Variants in RUNX1T1 observed in about 807,000 individuals in gnomAD.
RUNX1T1 encodes RUNX1 partner transcriptional co-repressor 1, also known as protein CBFA2T1.
Under a neutral mutation model 62.8 loss-of-function variants are expected in RUNX1T1, and 4 were observed. The ratio of observed to expected loss-of-function variants is 0.06; its 90% CI spans 0.03 to 0.15. RUNX1T1 has a LOEUF of 0.15. Ranked by LOEUF, RUNX1T1 falls within the 10% of genes least tolerant of loss-of-function variation. RUNX1T1 has a pLI of 1.00. For missense variants in RUNX1T1, 508 were observed against 754.3 expected, an observed-to-expected ratio of 0.67 and a Z score of 3.82; for synonymous variants, 291 against 286.0, an observed-to-expected ratio of 1.02 and a Z score of -0.18.
At chr8:91,960,547 C>G (rs1407702521) in intron 10 of RUNX1T1, 30 bp from the exon 12 acceptor site, 1 of 1,610,232 alleles carries the variant, frequency 6.2e-7, no homozygotes, top group Admixed American at 1.7e-5. Flanking sequence ...AAAGCAAGAT[C>G]CCAAGTTAAT....
downstream of RUNX1T1, chr8:91,955,574 G>T (rs1244031047): frequency 4.9e-5 from 11 of 226,126 alleles, no homozygotes; most frequent in Non-Finnish European, 7.9e-5. Context: ...GCCTGGCCTT[G>T]AAACAGGAAC....
chr8:92,017,404 G>A (rs1334982445), intron 1 of RUNX1T1, 41 bp from the exon 3 acceptor site: 1 of 1,613,838 alleles, frequency 6.2e-7, no homozygotes, highest in Non-Finnish European at 8.5e-7. Context: ...TACTCCTTAA[G>A]CACCTCAGTT....
chr8:92,072,860 T>C (rs973355596), intron 2 of RUNX1T1, among the ~76,000 whole-genome samples: 6 of 152,218 alleles, frequency 3.9e-5, no homozygotes, highest in African/African-American at 1.2e-4. Context: ...GATACCAATA[T>C]ATAAAGGTGC....
At chr8:92,102,951 C>T, upstream of RUNX1T1, 2 of 1,483,624 alleles carry the variant, frequency 1.3e-6, no homozygotes, top group South Asian at 2.5e-5. The surrounding 1 kb of genome is among the most constrained non-coding windows in gnomAD (Gnocchi z 4.5). Context: ...GGCGACGGGG[C>T]GAGGACGCGG....
At chr8:91,996,047 T>C (rs1428097745) in intron 5 of RUNX1T1, among the ~76,000 whole-genome samples, 1 of 152,118 alleles carries the variant, frequency 6.6e-6, no homozygotes, top group Non-Finnish European at 1.5e-5. Flanking sequence ...CTTTTCAGTG[T>C]ATCAGGCAAA....
At chr8:92,033,243 C>T (rs1487747566) in intron 1 of RUNX1T1, among the ~76,000 whole-genome samples, 1 of 152,174 alleles carries the variant, frequency 6.6e-6, no homozygotes, top group African/African-American at 2.4e-5. Context: ...AATACATCCA[C>T]AGTGGAATAC....
intron 5 of RUNX1T1, chr8:92,003,426 T>C (rs1399779383): frequency 8.8e-6 from 4 of 455,072 alleles, no homozygotes; most frequent in South Asian, 6.2e-5. Flanking sequence ...ATATTCCCTG[T>C]TATGGTTATT....
chr8:92,062,729 GGA>G (rs573431249), exon 1 of RUNX1T1: 126 of 1,584,170 alleles, frequency 8.0e-5, no homozygotes, highest in Non-Finnish European at 1.0e-4. Context: ...AGAGACAGAT[GGA>G]GAGCTGACAC....
intron 5 of RUNX1T1, among the ~76,000 whole-genome samples, chr8:92,000,557 T>C (rs1819569395): frequency 6.6e-6 from 1 of 152,194 alleles, no homozygotes; most frequent in Non-Finnish European, 1.5e-5. Flanking sequence ...AGTGTATCTA[T>C]TTTTTCTTTT....
intron 1 of RUNX1T1, chr8:92,095,747 C>T (rs771487253): frequency 7.2e-5 from 32 of 443,150 alleles, no homozygotes; most frequent in Non-Finnish European, 1.5e-5. Context: ...GAGAGCTACC[C>T]TAAGGCTATC....
At chr8:92,035,658 A>G (rs555420629) in intron 1 of RUNX1T1, among the ~76,000 whole-genome samples, 1 of 152,266 alleles carries the variant, frequency 6.6e-6, no homozygotes, top group Admixed American at 6.5e-5. Context: ...TTTCATGGAA[A>G]CCCATGACCT....
chr8:92,100,943 T>C (rs1021521825), upstream of RUNX1T1, among the ~76,000 whole-genome samples: 2 of 152,196 alleles, frequency 1.3e-5, no homozygotes, highest in Non-Finnish European at 2.9e-5. Context: ...CACAACAGAA[T>C]ACTCACATGG....
At chr8:91,959,161 C>T (rs1425169851) in exon 11 of RUNX1T1, 1 of 206,944 alleles carries the variant, frequency 4.8e-6, no homozygotes, top group Non-Finnish European at 9.5e-6. Context: ...TGTTTTAACA[C>T]CAAGAGAACT....
chr8:91,964,494 T>G (rs1237339783), intron 10 of RUNX1T1, among the ~76,000 whole-genome samples: 1 of 152,154 alleles, frequency 6.6e-6, no homozygotes, highest in East Asian at 1.9e-4. Context: ...AAATTCACAT[T>G]AAGATTGCAT....
chr8:91,991,355 T>A (rs1321876839), intron 6 of RUNX1T1, among the ~76,000 whole-genome samples: 2 of 152,172 alleles, frequency 1.3e-5, no homozygotes, highest in Middle Eastern at 3.2e-3. Flanking sequence ...TTGCATTTGT[T>A]ACCAACACAA....
intron 2 of RUNX1T1, among the ~76,000 whole-genome samples, chr8:92,070,559 T>C (rs553683920): frequency 1.3e-5 from 2 of 152,244 alleles, no homozygotes; most frequent in African/African-American, 2.4e-5. Context: ...TTTAAATTAT[T>C]ATATATGTTT....
At chr8:92,040,307 T>C (rs1828203510) in intron 1 of RUNX1T1, among the ~76,000 whole-genome samples, 1 of 152,212 alleles carries the variant, frequency 6.6e-6, no homozygotes, top group Non-Finnish European at 1.5e-5. Context: ...AAACTTAGCA[T>C]CACTTATTAC....
downstream of RUNX1T1, chr8:91,957,704 T>C (rs1447605451): frequency 4.4e-6 from 1 of 224,978 alleles, no homozygotes; most frequent in Non-Finnish European, 8.9e-6. Context: ...GAACATATAA[T>C]AGCTCTGTAA....
At chr8:92,093,451 T>A (rs994057858) in intron 1 of RUNX1T1, among the ~76,000 whole-genome samples, 2 of 152,228 alleles carry the variant, frequency 1.3e-5, no homozygotes, top group African/African-American at 4.8e-5. Context: ...TTAGTATTTC[T>A]CTGCCTTTGC....
Sources: allele counts gnomAD v4.1 joint callset (sites outside exome capture counted in the v4.1 genomes callset), GRCh38; gene constraint gnomAD v4.1.1; non-coding constraint Gnocchi (gnomAD v3.1); transcripts MANE v1.5; gene names NCBI Gene and HGNC (gene_info 2026-07-23, HGNC 2026-07-21).